The following LRRN2 variants were observed in gnomAD, a reference collection of about 807,000 sequenced individuals.
LRRN2 encodes the protein leucine-rich repeat neuronal protein 2.
LRRN2 carries 10 observed loss-of-function variants against 35.7 expected under a neutral mutation model. The observed-to-expected ratio is 0.28, with a 90% CI of 0.17 to 0.47. LRRN2 has a LOEUF of 0.47. Among genes scored for constraint, LRRN2 ranks in the 20% least tolerant of loss-of-function variants. The probability of loss-of-function intolerance (pLI) is 0.99; values close to 1 mark genes in which losing one functional copy is unlikely to be tolerated. For synonymous variants in LRRN2, 391 were observed against 409.6 expected, an observed-to-expected ratio of 0.95 and a Z score of 0.55; for missense variants, 731 against 940.3, an observed-to-expected ratio of 0.78 and a Z score of 2.91.
chr1:204,667,740 A>G (rs1205832136), intron 1 of LRRN2, among the ~76,000 whole-genome samples: 2 of 152,190 alleles, frequency 1.3e-5, no homozygotes, highest in African/African-American at 4.8e-5. Flanking sequence ...AGAGTCAGCC[A>G]GGAGAGGAGA....
chr1:204,643,510 G>A (rs1391759334), intron 1 of LRRN2, among the ~76,000 whole-genome samples: 1 of 152,130 alleles, frequency 6.6e-6, no homozygotes, highest in Non-Finnish European at 1.5e-5. Flanking sequence ...TGGAATTCAA[G>A]GTGGATTTTG....
intron 1 of LRRN2, among the ~76,000 whole-genome samples, chr1:204,638,916 G>A (rs772863036): frequency 2.0e-5 from 3 of 152,212 alleles, no homozygotes; most frequent in Non-Finnish European, 2.9e-5. Context: ...TCCCAGGCTG[G>A]GGAAGGGTTT....
chr1:204,623,743 C>T (rs981627090), intron 1 of LRRN2, among the ~76,000 whole-genome samples: 5 of 152,212 alleles, frequency 3.3e-5, no homozygotes, highest in Non-Finnish European at 5.9e-5. Flanking sequence ...TATACTTTCC[C>T]CAATTGGATT....
At chr1:204,622,935 C>T (rs1039300836) in intron 1 of LRRN2, among the ~76,000 whole-genome samples, 13 of 152,172 alleles carry the variant, frequency 8.5e-5, no homozygotes, top group Non-Finnish European at 4.4e-5. Context: ...GTGTTGCACA[C>T]AGAAAGAACT....
chr1:204,617,712 C>T lies in LRRN2; in HGVS notation c.*139G>A. On this transcript the variant is annotated 3_prime_UTR_variant, in exon 2 of 2. Transcript: ENST00000367177. ...AAGCACCCCCAGGGCCACAAAGCCC[C>T]ATCTGTCTTGGCCCAGCTGCCAGGC... 1 of 963,926 alleles carries T rather than the reference C, an allele frequency of 1.0e-6. No individual in the cohort carries two copies. Among genetic ancestry groups the T allele is most frequent in the Non-Finnish European group, 1.6e-6 (1 of 627,086 alleles). 59.7% of individuals were successfully genotyped at this position (963,926 alleles called of 1,614,324 possible). A position where few individuals can be genotyped will look rare whatever the true frequency, so the allele number is the denominator to read the frequency against.
At chr1:204,642,575 A>G (rs189542609) in intron 1 of LRRN2, among the ~76,000 whole-genome samples, 40 of 152,242 alleles carry the variant, frequency 2.6e-4, no homozygotes, top group South Asian at 1.0e-3. Flanking sequence ...ACAGTCCCCA[A>G]TCCACCCTCT....
rs140455478 is a variant in LRRN2 at position 204,677,574 on chromosome 1, C to T, written c.-227+7746G>A. ...CCTACCAAACAGGAGCCCACCCAGG[C>T]AGTGAAAGGAAGGGAGAAGAGAAGC... is the stretch of plus-strand genomic sequence containing the variant. On this transcript the variant is annotated intron_variant, in intron 1 of 1. Transcript: ENST00000367177. 6.6e-4 allele frequency among the ~76,000 whole-genome samples: 101 copies of T among 152,270 alleles called. No individual in the cohort carries two copies. The East Asian group carries it at 0.013, about 19-fold the overall frequency.
chr1:204,637,021 G>C (rs752922491), intron 1 of LRRN2, among the ~76,000 whole-genome samples: 10 of 152,102 alleles, frequency 6.6e-5, no homozygotes, highest in Non-Finnish European at 1.5e-4. Flanking sequence ...GATAGATAGA[G>C]GAATGGATAG....
chr1:204,652,400 T>C (rs936084319), intron 1 of LRRN2, among the ~76,000 whole-genome samples: 1 of 146,544 alleles, frequency 6.8e-6, no homozygotes, highest in African/African-American at 2.5e-5. Context: ...GGCAGCTGTT[T>C]AGGAGTTCAG....
At chr1:204,681,095 T>G (rs997577857) in intron 1 of LRRN2, among the ~76,000 whole-genome samples, 1 of 152,112 alleles carries the variant, frequency 6.6e-6, no homozygotes, top group African/African-American at 2.4e-5. Context: ...TAGCTGGGAT[T>G]ACAGGTGTGT....
At chr1:204,682,748 T>A (rs1329004920) in intron 1 of LRRN2, 1 of 152,242 alleles carries the variant, frequency 6.6e-6, no homozygotes, top group East Asian at 1.9e-4. Flanking sequence ...AATGGTGAGA[T>A]GTGACCTGGT....
chr1:204,635,755 T>C (rs1006711877), intron 1 of LRRN2, among the ~76,000 whole-genome samples: 1 of 152,236 alleles, frequency 6.6e-6, no homozygotes, highest in African/African-American at 2.4e-5. Context: ...GCCTCTTTCT[T>C]GGCTGCAAAG....
chr1:204,684,916 T>C (rs1669034870), intron 1 of LRRN2, among the ~76,000 whole-genome samples: 1 of 152,128 alleles, frequency 6.6e-6, no homozygotes, highest in Admixed American at 6.5e-5. Context: ...ACGCCCTCCC[T>C]AACCTCACTG....
At chr1:204,674,296 C>T (rs1235805749) in intron 1 of LRRN2, among the ~76,000 whole-genome samples, 1 of 151,698 alleles carries the variant, frequency 6.6e-6, no homozygotes, top group Non-Finnish European at 1.5e-5. Flanking sequence ...AAGTCCCCCT[C>T]ACTGCCTCCC....
intron 1 of LRRN2, among the ~76,000 whole-genome samples, chr1:204,651,987 GGTACCAGGTGCCTGCT>G (rs1469116821): frequency 1.1e-4 from 17 of 152,252 alleles, no homozygotes; most frequent in Non-Finnish European, 2.5e-4. Flanking sequence ...CCAGTGCCCG[GGTACCAGGTGCCTGCT>G]GTGGCTTTCC....
At chr1:204,680,038 A>G (rs543380156) in intron 1 of LRRN2, among the ~76,000 whole-genome samples, 2 of 152,304 alleles carry the variant, frequency 1.3e-5, no homozygotes, top group East Asian at 3.9e-4. Flanking sequence ...AAGGAACACC[A>G]GATTCCGGGG....
chr1:204,668,999 T>C (rs1448787742), intron 1 of LRRN2, among the ~76,000 whole-genome samples: 1 of 152,134 alleles, frequency 6.6e-6, no homozygotes, highest in Non-Finnish European at 1.5e-5. Context: ...AATTTTTAAA[T>C]CTTTTGTAGA....
intron 1 of LRRN2, among the ~76,000 whole-genome samples, chr1:204,646,574 C>G (rs184891846): frequency 3.9e-5 from 6 of 152,154 alleles, no homozygotes; most frequent in Admixed American, 3.3e-4. Context: ...TTTCTCCCTT[C>G]ATGAGAACCT....
At chr1:204,665,916 C>A (rs1184507423) in intron 1 of LRRN2, among the ~76,000 whole-genome samples, 2 of 152,220 alleles carry the variant, frequency 1.3e-5, no homozygotes, top group African/African-American at 2.4e-5. Flanking sequence ...GTAGACTTTT[C>A]AGCTTAGCAT....
Sources: allele counts gnomAD v4.1 joint callset (sites outside exome capture counted in the v4.1 genomes callset), GRCh38; gene constraint gnomAD v4.1.1; transcripts MANE v1.5; gene names NCBI Gene and HGNC (gene_info 2026-07-23, HGNC 2026-07-21).